SRSF1: variants seen among roughly 807,000 people sequenced by gnomAD.
SRSF1 encodes the protein serine and arginine rich splicing factor 1.
Under a neutral mutation model 25.9 loss-of-function variants are expected in SRSF1, and 1 was observed. The ratio of observed to expected loss-of-function variants is 0.04; its 90% confidence interval spans 0.01 to 0.18. The LOEUF is 0.18. Among genes scored for constraint, SRSF1 ranks in the 10% least tolerant of loss-of-function variants. The probability of loss-of-function intolerance (pLI) is 1.00; values close to 1 mark genes in which losing one functional copy is unlikely to be tolerated. For synonymous variants in SRSF1, 132 were observed against 126.2 expected (o/e 1.05, Z -0.31); for missense variants, 65 against 350.5 (o/e 0.19, Z 6.50).
downstream of SRSF1, among the ~76,000 whole-genome samples, chr17:57,999,421 TTC>T (rs2075377097): frequency 1.3e-5 from 2 of 152,322 alleles, no homozygotes; most frequent in African/African-American, 4.8e-5. Context: ...CTTCAGTATT[TTC>T]TTAGTCCCAG....
Position 58,004,986 on chromosome 17 carries a change from A to C in SRSF1, c.*420T>G. The C allele has an allele frequency of 2.7e-5, 11 of 412,556 alleles. No homozygotes were observed. In the East Asian group the frequency reaches 3.8e-4, roughly 14 times the overall value. 25.6% of individuals were successfully genotyped at this position (412,556 alleles called of 1,614,324 possible). A position where few individuals can be genotyped will look rare whatever the true frequency, so the allele number is the denominator to read the frequency against. Reference sequence around the variant, plus strand: ...CTTTTGACAATCCTAAAATGATTGAAATGTGCTCCACAATCCTTAATCCAA... The same window carrying C: ...CTTTTGACAATCCTAAAATGATTGACATGTGCTCCACAATCCTTAATCCAA... On this transcript the variant is annotated 3_prime_UTR_variant, in exon 4 of 4. Coordinates refer to ENST00000258962, the MANE Select transcript of SRSF1 (RefSeq NM_006924.5).
Position 58,004,157 on chromosome 17 carries a change from C to G in SRSF1, c.*1249G>C, listed in dbSNP as rs544577571. The G allele has an allele frequency of 6.5e-6, 1 of 152,726 alleles. No homozygotes were observed. Among genetic ancestry groups the G allele is most frequent in the African/African-American group, 2.4e-5 (1 of 41,564 alleles). The allele number at this position is 152,726 out of a possible 1,614,324, so 9.5% of individuals were successfully genotyped here. On this transcript the variant is annotated 3_prime_UTR_variant, in exon 4 of 4. Coordinates refer to ENST00000258962, the MANE Select transcript of SRSF1 (RefSeq NM_006924.5). The stretch of plus-strand genomic sequence containing the variant: ...CCAAAACAAGTTTCTGAATGGTGTT[C>G]AGATAAATTTTAGAAACTTAATCAT...
chr17:58,005,188 A>G lies in SRSF1; in HGVS notation c.*218T>C. ...CAGTCTGAAGAGTATGGAGTTAACT[A>G]AATTTAAACAATCCTGTCTATGACA... On this transcript the variant is annotated 3_prime_UTR_variant, in exon 4 of 4. Transcript: ENST00000258962. The surrounding 1 kb of genome is among the most constrained non-coding windows in gnomAD (Gnocchi z 5.2). 6 of 595,696 alleles carry G rather than the reference A, an allele frequency of 1.0e-5. No homozygotes were observed. Among genetic ancestry groups the G allele is most frequent in the Non-Finnish European group, 1.8e-5 (6 of 339,502 alleles). 36.9% of individuals were successfully genotyped at this position (595,696 alleles called of 1,614,324 possible).
chr17:57,998,016 G>T (rs1476499263), downstream of SRSF1, among the ~76,000 whole-genome samples: 4 of 152,120 alleles, frequency 2.6e-5, no homozygotes, highest in Non-Finnish European at 5.9e-5. Flanking sequence ...GAAGTTCAGA[G>T]ACCAGCTGAG....
downstream of SRSF1, among the ~76,000 whole-genome samples, chr17:57,998,512 AAGG>A (rs1352863731): frequency 7.2e-5 from 11 of 152,286 alleles, no homozygotes; most frequent in East Asian, 1.7e-3. Context: ...TTCTTTCTAC[AAGG>A]AGAATTCTGA....
At chr17:58,006,115 T>G (rs1276416541) in intron 2 of SRSF1, 142 bp from the exon 3 acceptor site, 6 of 1,000,692 alleles carry the variant, frequency 6.0e-6, no homozygotes, top group Non-Finnish European at 8.6e-6. Context: ...CTGGTAAGAT[T>G]CTGGAATCCA....
chr17:57,999,984 A>G (rs1326148062), downstream of SRSF1, among the ~76,000 whole-genome samples: 1 of 152,108 alleles, frequency 6.6e-6, no homozygotes, highest in African/African-American at 2.4e-5. Flanking sequence ...TAAACAGTAA[A>G]CTTCTTATGA....
At chr17:58,000,687 G>A (rs1376270736), downstream of SRSF1, among the ~76,000 whole-genome samples, 1 of 152,146 alleles carries the variant, frequency 6.6e-6, no homozygotes, top group Non-Finnish European at 1.5e-5. Flanking sequence ...AGACACCCCA[G>A]TTACAGACAA....
In SRSF1 at chr17:58,002,103, G is replaced by A. The variant is rs1233930199; in HGVS notation, c.*3303C>T. Among the ~76,000 whole-genome samples, 1 of 151,940 alleles carries A rather than the reference G, an allele frequency of 6.6e-6. No individual in the cohort carries two copies. The highest frequency in any genetic ancestry group is 1.5e-5 in the Non-Finnish European group (1 of 68,000). ...TTTATTTTCCCTTTAATAATCTGAT[G>A]AATTTTTAAAATGTTCTACACATAA... On this transcript the variant is annotated 3_prime_UTR_variant, in exon 4 of 4. Transcript: ENST00000258962.
At chr17:58,006,221 A>C in intron 2 of SRSF1, 122 bp downstream of exon 2, 4 of 1,307,776 alleles carry the variant, frequency 3.1e-6, no homozygotes, top group Middle Eastern at 2.2e-4. Flanking sequence ...AAATTCACCC[A>C]AAAACTAAAG....
chr17:57,998,744 G>A (rs945028787), downstream of SRSF1, among the ~76,000 whole-genome samples: 6 of 152,174 alleles, frequency 3.9e-5, no homozygotes, highest in African/African-American at 1.4e-4. Context: ...AGCAGGCAGG[G>A]AAATCTCTAC....
chr17:58,001,187 A>AT lies in SRSF1; in HGVS notation c.*4218dup, dbSNP rs2075387202. On this transcript the variant is annotated 3_prime_UTR_variant, in exon 4 of 4. Coordinates refer to ENST00000258962, the MANE Select transcript of SRSF1 (RefSeq NM_006924.5). Reference sequence around the variant, plus strand: ...ATACAAAGTAAGCAAAAAGGCACACATAAGAAATCCACCTTGACCACAGAA... The same window carrying AT: ...ATACAAAGTAAGCAAAAAGGCACACATTAAGAAATCCACCTTGACCACAGAA... 6.6e-6 allele frequency among the ~76,000 whole-genome samples: 1 copy of AT among 152,190 alleles called. No individual in the cohort carries two copies.
At chr17:58,006,796 T>C (rs1438937970) in intron 1 of SRSF1, 148 bp downstream of exon 1, 1 of 1,038,870 alleles carries the variant, frequency 9.6e-7, no homozygotes, top group Non-Finnish European at 1.4e-6. Flanking sequence ...TCAACTCAGC[T>C]CCTTACTCGA....
At chr17:57,995,545 G>T in the SRSF1 span, among the ~76,000 whole-genome samples, 1 of 152,232 alleles carries the variant, frequency 6.6e-6, no homozygotes, top group Non-Finnish European at 1.5e-5. Context: ...GTGACTAGAT[G>T]TAGTCCTACT....
At chr17:57,994,481 T>C in the SRSF1 span, 2 of 152,072 alleles carry the variant, frequency 1.3e-5, no homozygotes, top group Non-Finnish European at 2.9e-5. Context: ...GAGTTTGAGA[T>C]AAAACTCCTG....
chr17:57,995,032 C>T, the SRSF1 span, among the ~76,000 whole-genome samples: 1 of 152,150 alleles, frequency 6.6e-6, no homozygotes, highest in Non-Finnish European at 1.5e-5. Context: ...TTTTAAAGGG[C>T]TATTTGCTCA....
chr17:57,996,432 C>T (rs572741351), downstream of SRSF1, among the ~76,000 whole-genome samples: 29 of 137,182 alleles, frequency 2.1e-4, no homozygotes, highest in African/African-American at 7.0e-4. Flanking sequence ...TGCAGTGAGC[C>T]GAGACTGCGC....
intron 1 of SRSF1, 55 bp downstream of exon 1, chr17:58,006,888 CT>C (rs903259424): frequency 3.8e-6 from 6 of 1,593,334 alleles, no homozygotes; most frequent in Non-Finnish European, 5.1e-6. Context: ...GCCTTGGAGC[CT>C]TCCCCAACTA....
rs922052603 is a variant in SRSF1, at chr17:58,005,505, A to C, written c.648T>G (p.Arg216=). 3 of 1,614,000 alleles carry C rather than the reference A, an allele frequency of 1.9e-6. No individual in the cohort carries two copies. Among genetic ancestry groups the C allele is most frequent in the Non-Finnish European group, 2.5e-6 (3 of 1,180,022 alleles). Residue 216 remains arginine, a synonymous_variant, in exon 4 of 4, where the codon CGT becomes CGG. Coordinates refer to ENST00000258962, the MANE Select transcript of SRSF1 (RefSeq NM_006924.5). The surrounding 1 kb of genome is among the most constrained non-coding windows in gnomAD (Gnocchi z 5.2). The part of the protein sequence containing the change: ...RSRSRSRSRS[R]SRSNSRSRSY... ...TGCGACTCCTGCTGTTGCTTCTGCTACGGCTTCTGCTACGACTACGGCTTC... is the reference window on the plus strand; with the variant it reads ...TGCGACTCCTGCTGTTGCTTCTGCTCCGGCTTCTGCTACGACTACGGCTTC...
Sources: gnomAD v4.1 joint callset for allele counts (sites outside exome capture counted in the v4.1 genomes callset) on GRCh38, gnomAD v4.1.1 for gene constraint, Gnocchi (gnomAD v3.1) non-coding constraint, MANE v1.5 for transcripts, NCBI Gene and HGNC (gene_info 2026-07-23, HGNC 2026-07-21) for gene names.